The following SYNE2 variants were observed in gnomAD, a reference collection of about 807,000 sequenced individuals.
The protein encoded by SYNE2 is spectrin repeat containing nuclear envelope protein 2, also known as nesprin-2.
Under a neutral mutation model 856.3 loss-of-function variants are expected in SYNE2, and 431 were observed. That is an observed-to-expected ratio of 0.50 (90% confidence interval 0.47 to 0.55). The LOEUF is 0.55. SYNE2 is among the 20% of genes least tolerant of loss of function. The pLI, the probability that SYNE2 is intolerant of heterozygous loss-of-function variation, is 0.00. For missense variants in SYNE2, 8,129 were observed against 8,023.2 expected, an observed-to-expected ratio of 1.01 and a Z score of -0.50; for synonymous variants, 2,923 against 2,872.3, an observed-to-expected ratio of 1.02 and a Z score of -0.56.
intron 1 of SYNE2, among the ~76,000 whole-genome samples, chr14:63,831,912 A>T (rs544302573): frequency 6.6e-6 from 1 of 152,260 alleles, no homozygotes; most frequent in African/African-American, 2.4e-5. Context: ...ACATTATTTT[A>T]AAAACTAACT....
At chr14:63,814,940 A>G (rs1013672459) in intron 1 of SYNE2, among the ~76,000 whole-genome samples, 1 of 143,032 alleles carries the variant, frequency 7.0e-6, no homozygotes, top group Non-Finnish European at 1.5e-5. Flanking sequence ...ATCTATCCAT[A>G]TATATCTATC....
At chr14:63,951,122 C>T (rs1293024155) in intron 7 of SYNE2, among the ~76,000 whole-genome samples, 1 of 151,796 alleles carries the variant, frequency 6.6e-6, no homozygotes, top group Non-Finnish European at 1.5e-5. Context: ...ACTGTAGATT[C>T]AGGAGATCTC....
chr14:63,963,701 T>C (rs1385370400), intron 9 of SYNE2, among the ~76,000 whole-genome samples, 198 bp from the exon 10 acceptor site: 1 of 152,180 alleles, frequency 6.6e-6, no homozygotes, highest in Non-Finnish European at 1.5e-5. Flanking sequence ...TTTAGCACAT[T>C]GTCATGTTCA....
intron 57 of SYNE2, among the ~76,000 whole-genome samples, chr14:64,081,925 A>G (rs1226605576): frequency 6.6e-6 from 1 of 152,104 alleles, no homozygotes; most frequent in Non-Finnish European, 1.5e-5. Context: ...TCTCTACTAA[A>G]AATACAAAAA....
At chr14:63,926,058 GGTC>G (rs2153386428) in intron 2 of SYNE2, among the ~76,000 whole-genome samples, 2 of 151,830 alleles carry the variant, frequency 1.3e-5, no homozygotes, top group South Asian at 4.2e-4. Context: ...TGCCCAGACT[GGTC>G]TTGAACTCCT....
At position 64,108,654 on chromosome 14, in the gene SYNE2, GT is replaced by G. The variant is rs931093070; in HGVS notation, c.12609+1054del. Among the ~76,000 whole-genome samples, 55 of 152,012 alleles carry G rather than the reference GT, an allele frequency of 3.6e-4. 1 individual carries two copies. The highest frequency in any genetic ancestry group is 7.1e-4 in the Non-Finnish European group (48 of 67,944). On this transcript the variant is annotated intron_variant, in intron 65 of 115. Coordinates refer to ENST00000555002, the MANE Select transcript of SYNE2 (RefSeq NM_182914.3). Reference sequence around the variant, plus strand: ...TTCTTTTATACTGAGTTCTATTTATGTTTTTTTCTCCCAATCTTTTGTCTAG... The same window carrying G: ...TTCTTTTATACTGAGTTCTATTTATGTTTTTTCTCCCAATCTTTTGTCTAG...
At chr14:64,004,362 G>C (rs2096779212) in intron 30 of SYNE2, among the ~76,000 whole-genome samples, 1 of 151,476 alleles carries the variant, frequency 6.6e-6, no homozygotes, top group Non-Finnish European at 1.5e-5. Flanking sequence ...ACAGAGTCTT[G>C]CTCTGTTGCC....
At position 64,225,520 on chromosome 14, in the gene SYNE2, C is replaced by A. The variant is rs547101639; in HGVS notation, c.20718C>A (p.Pro6906=). Residue 6906 remains proline, a synonymous_variant, in exon 116 of 116, where the codon CCC becomes CCA. Coordinates refer to ENST00000555002, the MANE Select transcript of SYNE2 (RefSeq NM_182914.3). ...PMLRYTNGPP[P]T is the part of the protein sequence containing the mutation. ...TGAGGTACACCAATGGGCCACCCCC[C>A]ACATAGAGGGCATAGCTGGCCACAG... 75 of 1,613,984 alleles carry A rather than the reference C, an allele frequency of 4.6e-5. No individual in the cohort carries two copies. In the South Asian group the frequency reaches 7.7e-4, roughly 17 times the overall value.
Position 64,052,752 on chromosome 14 carries a change from C to G in SYNE2, c.8839C>G (p.Gln2947Glu). Residue 2947 changes from glutamine to glutamate, a missense_variant, in exon 48 of 116, where the codon CAA becomes GAA. By Grantham distance (29) the Gln-to-Glu change is conservative. Transcript: ENST00000555002. ...GGAACACAAGATAAAGTTTTGCAGA[C>G]AATTCCATGAAAAAACATCAGCGCT... ...EVEHKIKFCR[Q>E]FHEKTSALQE... 1.2e-6 allele frequency: 2 copies of G among 1,612,284 alleles called. No individual in the cohort carries two copies. The highest frequency in any genetic ancestry group is 1.7e-6 in the Non-Finnish European group (2 of 1,179,230).
intron 1 of SYNE2, among the ~76,000 whole-genome samples, chr14:63,862,004 T>C (rs1230364393): frequency 1.3e-5 from 2 of 152,218 alleles, no homozygotes; most frequent in Non-Finnish European, 2.9e-5. Context: ...TCAATCTGGT[T>C]TTACCCAGGT....
At chr14:64,075,664 T>C in intron 53 of SYNE2, 1 of 365,958 alleles carries the variant, frequency 2.7e-6, no homozygotes, top group Non-Finnish European at 5.2e-6. Context: ...TACAATTAAA[T>C]CCTAAAGGTA....
chr14:63,812,872 C>T (rs762192792), intron 1 of SYNE2, among the ~76,000 whole-genome samples: 6 of 152,050 alleles, frequency 3.9e-5, no homozygotes, highest in Non-Finnish European at 5.9e-5. Flanking sequence ...ACATTCTGCA[C>T]ATGTATCCTG....
chr14:64,031,719 G>A (rs987920239), intron 45 of SYNE2, among the ~76,000 whole-genome samples: 7 of 152,182 alleles, frequency 4.6e-5, no homozygotes, highest in African/African-American at 1.7e-4. Flanking sequence ...CCCAATTTTT[G>A]GGGGGTTGAT....
At chr14:63,948,683 T>A (rs1403120131) in intron 6 of SYNE2, among the ~76,000 whole-genome samples, 3 of 135,352 alleles carry the variant, frequency 2.2e-5, no homozygotes, top group Non-Finnish European at 4.7e-5. Flanking sequence ...ATTATATATA[T>A]ATGTGTGTAT....
chr14:63,865,200 A>AGG (rs1566647810), intron 1 of SYNE2, among the ~76,000 whole-genome samples: 1 of 128,208 alleles, frequency 7.8e-6, no homozygotes, highest in Non-Finnish European at 1.6e-5. Flanking sequence ...GCAGTACACA[A>AGG]GGGGCTAGGT....
Position 64,098,650 on chromosome 14 carries a change from A to C in SYNE2, c.12307-97A>C. On this transcript the variant is annotated intron_variant, in intron 62 of 115. Transcript: ENST00000555002. ...GGGGGTGGGCATCTTGGATAAAGTA[A>C]GTAAAAAATTAGCTACATAAAAATG... 3 of 1,269,028 alleles carry C rather than the reference A, an allele frequency of 2.4e-6. No individual in the cohort carries two copies. In the South Asian group the frequency reaches 3.8e-5, roughly 16 times the overall value. The allele number at this position is 1,269,028 out of a possible 1,614,324, so 78.6% of individuals were successfully genotyped here.
At chr14:64,209,293 T>G in intron 101 of SYNE2, 135 bp from the exon 102 acceptor site, 1 of 1,406,858 alleles carries the variant, frequency 7.1e-7, no homozygotes, top group Non-Finnish European at 9.8e-7. Flanking sequence ...AGACAAGAAG[T>G]GGCGTCCCTC....
intron 2 of SYNE2, among the ~76,000 whole-genome samples, chr14:63,939,355 T>TC (rs1434977401): frequency 6.7e-6 from 1 of 149,822 alleles, no homozygotes; most frequent in African/African-American, 2.5e-5. Context: ...TTCTTTTTTT[T>TC]TTTTTTTTTT....
At chr14:63,992,859 A>AT (rs1211977829) in intron 21 of SYNE2, among the ~76,000 whole-genome samples, 1 of 152,180 alleles carries the variant, frequency 6.6e-6, no homozygotes, top group East Asian at 1.9e-4. Context: ...GGAGCTCAGC[A>AT]TTGTGCCTTA....
Sources: allele counts gnomAD v4.1 joint callset (sites outside exome capture counted in the v4.1 genomes callset), GRCh38; gene constraint gnomAD v4.1.1; transcripts MANE v1.5; gene names NCBI Gene and HGNC (gene_info 2026-07-23, HGNC 2026-07-21).